GRIK2: variants seen among roughly 807,000 people sequenced by gnomAD.
GRIK2 encodes the protein glutamate ionotropic receptor kainate type subunit 2, also known as glutamate receptor ionotropic, kainate 2.
Under a neutral mutation model 100.3 loss-of-function variants are expected in GRIK2, and 32 were observed. The ratio of observed to expected loss-of-function variants is 0.32; its 90% CI spans 0.24 to 0.43. The LOEUF (loss-of-function observed/expected upper bound fraction) is 0.43. Among genes scored for constraint, GRIK2 ranks in the 20% least tolerant of loss-of-function variants. The pLI is 1.00. For synonymous variants in GRIK2, 417 were observed against 389.4 expected (o/e 1.07, Z -0.83); for missense variants, 843 against 1,114.9 (o/e 0.76, Z 3.47).
intron 7 of GRIK2, among the ~76,000 whole-genome samples, chr6:101,783,805 C>A (rs1295151065): frequency 1.3e-5 from 2 of 152,112 alleles, no homozygotes; most frequent in Non-Finnish European, 2.9e-5. Context: ...TTGCATTTTG[C>A]CCCTGCCCTC....
intron 2 of GRIK2, among the ~76,000 whole-genome samples, chr6:101,568,968 A>G (rs902864504): frequency 2.0e-5 from 3 of 152,002 alleles, no homozygotes; most frequent in South Asian, 4.1e-4. Flanking sequence ...TCAACAGACC[A>G]TTACAGAGCT....
At chr6:101,738,619 C>T (rs1435242128) in intron 7 of GRIK2, among the ~76,000 whole-genome samples, 1 of 152,044 alleles carries the variant, frequency 6.6e-6, no homozygotes, top group Non-Finnish European at 1.5e-5. Context: ...AAATATTAAG[C>T]AAGAGTCCCT....
chr6:102,012,049 CGT>C (rs1244169903), intron 14 of GRIK2, among the ~76,000 whole-genome samples: 1 of 151,996 alleles, frequency 6.6e-6, no homozygotes, highest in African/African-American at 2.4e-5. Context: ...TTTTGTGAAA[CGT>C]GTAAGGTCTG....
intron 3 of GRIK2, among the ~76,000 whole-genome samples, chr6:101,625,560 T>A (rs1780391658): frequency 6.6e-6 from 1 of 152,018 alleles, no homozygotes; most frequent in Non-Finnish European, 1.5e-5. Context: ...CAATAATTAC[T>A]CACTTTCTAG....
At chr6:101,683,563 T>G (rs2128342799) in intron 6 of GRIK2, among the ~76,000 whole-genome samples, 1 of 152,308 alleles carries the variant, frequency 6.6e-6, no homozygotes, top group Middle Eastern at 3.4e-3. Context: ...TACTAATTCT[T>G]TCTTCCACAT....
chr6:101,943,756 A>G (rs1791101942), intron 14 of GRIK2, among the ~76,000 whole-genome samples: 1 of 152,174 alleles, frequency 6.6e-6, no homozygotes, highest in African/African-American at 2.4e-5. Context: ...TCTTCACTGT[A>G]TCTTGGAAGT....
chr6:101,820,905 C>T (rs765179481), intron 10 of GRIK2, among the ~76,000 whole-genome samples: 2 of 152,164 alleles, frequency 1.3e-5, no homozygotes, highest in African/African-American at 2.4e-5. Context: ...AATACTCCAT[C>T]ATGGCATTAT....
intron 15 of GRIK2, among the ~76,000 whole-genome samples, chr6:102,045,111 G>A (rs886983943): frequency 1.1e-4 from 16 of 151,870 alleles, no homozygotes; most frequent in Non-Finnish European, 1.6e-4. Flanking sequence ...ATTACTTAGC[G>A]TAGCTGTGAG....
At chr6:102,024,846 T>C (rs1769610027) in intron 14 of GRIK2, among the ~76,000 whole-genome samples, 1 of 150,862 alleles carries the variant, frequency 6.6e-6, no homozygotes, top group Non-Finnish European at 1.5e-5. Flanking sequence ...GAAAAATAAG[T>C]ACAAGTCTAG....
intron 2 of GRIK2, among the ~76,000 whole-genome samples, chr6:101,523,122 A>T (rs1774963262): frequency 8.3e-6 from 1 of 120,396 alleles, no homozygotes; most frequent in African/African-American, 3.1e-5. Context: ...AGAACATCTT[A>T]TATGCTTGAC....
At chr6:101,463,148 A>T (rs922643147) in intron 2 of GRIK2, among the ~76,000 whole-genome samples, 1 of 152,198 alleles carries the variant, frequency 6.6e-6, no homozygotes. Flanking sequence ...AATTATTTTA[A>T]ACAATATTCT....
At chr6:101,493,079 T>C (rs1245980762) in intron 2 of GRIK2, among the ~76,000 whole-genome samples, 1 of 151,974 alleles carries the variant, frequency 6.6e-6, no homozygotes, top group African/African-American at 2.4e-5. Context: ...AACTTAAAGA[T>C]CTAAGGAATT....
At chr6:101,899,144 T>C (rs969843158) in intron 12 of GRIK2, among the ~76,000 whole-genome samples, 14 of 150,762 alleles carry the variant, frequency 9.3e-5, no homozygotes, top group Admixed American at 4.0e-4. Context: ...CTGTCCTAAA[T>C]AGTAATGGGA....
rs936710537 is a variant in GRIK2 at position 102,016,298 on chromosome 6, A to G, written c.2086-19043A>G. ...AAAATAGCCAGTATAGAAAAAGAATATAACCAATCTGATAAAGCTGAAAAA... is the reference window on the plus strand; with the variant it reads ...AAAATAGCCAGTATAGAAAAAGAATGTAACCAATCTGATAAAGCTGAAAAA... On this transcript the variant is annotated intron_variant, in intron 14 of 16. Coordinates refer to ENST00000369134, the MANE Select transcript of GRIK2 (RefSeq NM_021956.5). Among the ~76,000 whole-genome samples the G allele has an allele frequency of 7.2e-5, 11 of 152,182 alleles. 1 individual carries two copies. Among genetic ancestry groups the G allele is most frequent in the Admixed American group, 2.0e-4 (3 of 15,278 alleles).
intron 4 of GRIK2, among the ~76,000 whole-genome samples, chr6:101,674,675 C>A (rs913156045): frequency 1.2e-4 from 19 of 152,080 alleles, no homozygotes; most frequent in Admixed American, 1.0e-3. Flanking sequence ...CATTTAATAT[C>A]AATTTTTATG....
intron 7 of GRIK2, among the ~76,000 whole-genome samples, chr6:101,788,750 G>A (rs2128406243): frequency 6.6e-6 from 1 of 152,172 alleles, no homozygotes; most frequent in African/African-American, 2.4e-5. Context: ...TGGGTCAAAT[G>A]GTATTTCTAG....
rs116307141 is a variant in GRIK2, at chr6:101,976,563, T to A, written c.2085+47931T>A. The stretch of plus-strand genomic sequence containing the variant: ...TATTAGCCAGGCATGGTAACACACT[T>A]GCATTCCCAGCTATTTGGGAGGCTG... On this transcript the variant is annotated intron_variant, in intron 14 of 16. Coordinates refer to ENST00000369134, the MANE Select transcript of GRIK2 (RefSeq NM_021956.5). Among the ~76,000 whole-genome samples, 1,236 of 151,938 alleles carry A rather than the reference T, an allele frequency of 8.1e-3. 17 individuals are homozygous for A. Among genetic ancestry groups the A allele is most frequent in the African/African-American group, 0.029 (1,186 of 41,476 alleles).
At chr6:101,676,245 A>G (rs1204351127) in intron 4 of GRIK2, among the ~76,000 whole-genome samples, 1 of 152,164 alleles carries the variant, frequency 6.6e-6, no homozygotes, top group Non-Finnish European at 1.5e-5. Context: ...AAGGGAAACT[A>G]TTTTACTCTA....
intron 4 of GRIK2, among the ~76,000 whole-genome samples, chr6:101,641,887 T>G (rs189992214): frequency 3.4e-4 from 52 of 152,046 alleles, no homozygotes; most frequent in African/African-American, 1.2e-3. Flanking sequence ...TTTTTTCTTT[T>G]ATGTGGGGTA....
Sources: gnomAD v4.1 joint callset for allele counts (sites outside exome capture counted in the v4.1 genomes callset) on GRCh38, gnomAD v4.1.1 for gene constraint, MANE v1.5 for transcripts, NCBI Gene and HGNC (gene_info 2026-07-23, HGNC 2026-07-21) for gene names.